Variants in MCF2L observed in about 807,000 individuals in gnomAD.
MCF2L encodes the protein guanine nucleotide exchange factor DBS.
In MCF2L, 97 loss-of-function variants were observed where a neutral mutation model predicts 153.4. The observed-to-expected ratio is 0.63, with a 90% CI of 0.54 to 0.75. The LOEUF (loss-of-function observed/expected upper bound fraction) is 0.75, where lower values mean the gene tolerates loss of function less well. Among genes scored for constraint, MCF2L ranks in the 30% least tolerant of loss-of-function variants. MCF2L has a pLI of 0.00. For synonymous variants in MCF2L, 659 were observed against 632.2 expected, an observed-to-expected ratio of 1.04 and a Z score of -0.64; for missense variants, 1,347 against 1,495.2, an observed-to-expected ratio of 0.90 and a Z score of 1.64.
chr13:113,090,264 A>G (rs2142081855), intron 26 of MCF2L: 1 of 1,346,884 alleles, frequency 7.4e-7, no homozygotes. Context: ...GGCCACGCAA[A>G]AGCGTTTCTT....
In MCF2L at chr13:113,012,329, C is replaced by T. The variant is rs560417312; in HGVS notation, c.80-2434C>T. Among the ~76,000 whole-genome samples the T allele has an allele frequency of 8.4e-4, 87 of 103,814 alleles. 15 individuals are homozygous for T. Among genetic ancestry groups the T allele is most frequent in the South Asian group, 2.8e-3 (6 of 2,178 alleles). 68.1% of individuals were successfully genotyped at this position (103,814 alleles called of 152,430 possible). On this transcript the variant is annotated intron_variant, in intron 1 of 29. Transcript: ENST00000535094. ...GTGGATGGTGGACAGGTGGTGTGGA[C>T]GGTGGACAGGCAGTGTGGACGGTGG...
chr13:112,939,853 C>G (rs762804611), intron 2 of MCF2L, among the ~76,000 whole-genome samples: 1 of 152,056 alleles, frequency 6.6e-6, no homozygotes, highest in Non-Finnish European at 1.5e-5. Flanking sequence ...GCCTGTAATC[C>G]CAGCTACGTG....
intron 1 of MCF2L, chr13:112,979,822 T>C: frequency 6.8e-7 from 1 of 1,465,138 alleles, no homozygotes; most frequent in South Asian, 1.3e-5. Context: ...AGGTGTCCTC[T>C]CTGCGGGCAG....
chr13:112,977,734 C>T (rs1417151402), intron 1 of MCF2L, among the ~76,000 whole-genome samples: 1 of 152,164 alleles, frequency 6.6e-6, no homozygotes, highest in African/African-American at 2.4e-5. Flanking sequence ...ACCCTGATGG[C>T]TCCCGTGCGC....
chr13:112,979,751 G>A (rs748412990), intron 1 of MCF2L: 16 of 1,611,100 alleles, frequency 9.9e-6, no homozygotes, highest in Non-Finnish European at 1.2e-5. Context: ...CAGGGCGCTC[G>A]AGGCCAGGTG....
chr13:112,968,793 C>T, upstream of MCF2L: 2 of 1,344,696 alleles, frequency 1.5e-6, no homozygotes, highest in South Asian at 1.8e-5. Context: ...TCGCGGCTGC[C>T]CGCAAACCAG....
chr13:113,084,818 C>T lies in MCF2L; in HGVS notation c.2062-74C>T, dbSNP rs1399349442. The T allele has an allele frequency of 2.0e-5, 22 of 1,126,464 alleles. 1 individual carries two copies. Among genetic ancestry groups the T allele is most frequent in the South Asian group, 1.1e-4 (9 of 78,730 alleles). The allele number at this position is 1,126,464 out of a possible 1,614,324, so 69.8% of individuals were successfully genotyped here. ...GGTGCCCGTCCCTCACCGCGTAATG[C>T]GGTGCCCGTCCCTCACCGCGTGATG... On this transcript the variant is annotated intron_variant, in intron 18 of 29. Coordinates refer to ENST00000535094, the MANE Select transcript of MCF2L (RefSeq NM_001112732.3).
chr13:113,052,251 C>A (rs923124742), intron 4 of MCF2L, among the ~76,000 whole-genome samples: 2 of 152,196 alleles, frequency 1.3e-5, no homozygotes, highest in African/African-American at 2.4e-5. Context: ...AGAAAGAGCT[C>A]TGAGACCCGG....
intron 27 of MCF2L, 75 bp from the exon 28 acceptor site, chr13:113,096,296 C>G: frequency 8.3e-7 from 1 of 1,204,520 alleles, no homozygotes; most frequent in African/African-American, 1.5e-5. Flanking sequence ...AGGCCCGGCA[C>G]TCCGCCTGGC....
rs1174720314 is a variant in MCF2L at position 113,031,410 on chromosome 13, T to TG, written c.278+6657dup. ...CCCAGGAGGGCGCCAGCGGCATCTTTGGGGGCAGCGAACGCACCAGGGGGC... is the reference window on the plus strand; with the variant it reads ...CCCAGGAGGGCGCCAGCGGCATCTTTGGGGGGCAGCGAACGCACCAGGGGGC... On this transcript the variant is annotated intron_variant, in intron 3 of 29. Coordinates refer to ENST00000535094, the MANE Select transcript of MCF2L (RefSeq NM_001112732.3). This position sits in a 1 kb window ranked among gnomAD's most constrained non-coding sequence, Gnocchi z 5.5. Among the ~76,000 whole-genome samples, 1 of 151,912 alleles carries TG rather than the reference T, an allele frequency of 6.6e-6. No individual in the cohort carries two copies. Among genetic ancestry groups the TG allele is most frequent in the Non-Finnish European group, 1.5e-5 (1 of 67,970 alleles).
At chr13:112,958,680 G>A (rs1468302688) in intron 2 of MCF2L, among the ~76,000 whole-genome samples, 1 of 152,150 alleles carries the variant, frequency 6.6e-6, no homozygotes, top group East Asian at 1.9e-4. Flanking sequence ...TGTCTCCTAG[G>A]GTTTGTTACT....
intron 26 of MCF2L, among the ~76,000 whole-genome samples, chr13:113,093,445 A>G (rs2035386762): frequency 6.6e-6 from 1 of 152,264 alleles, no homozygotes; most frequent in South Asian, 2.1e-4. Flanking sequence ...CACAGACAGC[A>G]GAGTTCCGCT....
rs769108110 is a variant in MCF2L, at chr13:113,064,351, G to A, written c.537G>A (p.Lys179=). Residue 179 remains lysine, a synonymous_variant, in exon 6 of 30, where the codon AAG becomes AAA. Transcript: ENST00000535094. This position sits in a 1 kb window ranked among gnomAD's most constrained non-coding sequence, Gnocchi z 6.0. The part of the protein sequence containing the change: ...SVPDLHGYID[K]SQLTEDLGGT... ...CAGACTTACACGGTTACATCGATAA[G>A]TCGCAGCTGACCGAGGACCTGGGTG... The A allele has an allele frequency of 3.7e-6, 6 of 1,613,030 alleles. No homozygotes were observed. The highest frequency in any genetic ancestry group is 4.2e-6 in the Non-Finnish European group (5 of 1,179,978).
intron 12 of MCF2L, 134 bp from the exon 13 acceptor site, chr13:113,076,918 T>C: frequency 1.0e-6 from 1 of 984,414 alleles, no homozygotes. Context: ...ACAGCTGCGC[T>C]GCGCTGACAG....
chr13:112,904,306 C>T lies in MCF2L; in HGVS notation c.169+1935C>T, dbSNP rs932883868. On this transcript the variant is annotated intron_variant, in intron 2 of 29. Coordinates refer to the MCF2L transcript ENST00000375608. This position sits in a 1 kb window ranked among gnomAD's most constrained non-coding sequence, Gnocchi z 4.2. ...TCAACGTACCGAGCTCTCCCAGGCT[C>T]AGGAGCATGTCAGGGTCCACCGTGC... Among the ~76,000 whole-genome samples the T allele has an allele frequency of 5.3e-5, 8 of 152,090 alleles. No homozygotes were observed. Among genetic ancestry groups the T allele is most frequent in the Non-Finnish European group, 1.0e-4 (7 of 68,024 alleles).
chr13:112,961,227 T>C (rs1045790827), intron 2 of MCF2L, among the ~76,000 whole-genome samples: 2 of 152,242 alleles, frequency 1.3e-5, no homozygotes, highest in African/African-American at 4.8e-5. Context: ...CTTAAAATAA[T>C]ACAAAATGTG....
chr13:113,026,089 TCGGGG>T, intron 3 of MCF2L, among the ~76,000 whole-genome samples: 3 of 36,010 alleles, frequency 8.3e-5, no homozygotes, highest in Non-Finnish European at 1.2e-4. Context: ...TGACTGTGGG[TCGGGG>T]CAGAGTCTCT....
chr13:113,096,041 A>C lies in MCF2L; in HGVS notation c.3076-330A>C, dbSNP rs1595049414. ...GAAGGCCTCAGCAAAGCAGCATGGA[A>C]ATAAGACCTGAAAGCACGGAAGGGC... On this transcript the variant is annotated intron_variant, in intron 27 of 29. Transcript: ENST00000535094. The C allele has an allele frequency of 6.6e-6, 3 of 453,670 alleles. No individual in the cohort carries two copies. The East Asian group carries it at 1.4e-4, about 21-fold the overall frequency. 28.1% of individuals were successfully genotyped at this position (453,670 alleles called of 1,614,324 possible).
intron 4 of MCF2L, among the ~76,000 whole-genome samples, chr13:113,057,565 GGTGCTGTGTGTTTGA>G (rs2030318953): frequency 7.0e-6 from 1 of 142,920 alleles, no homozygotes; most frequent in Non-Finnish European, 1.5e-5. Flanking sequence ...TGTGTGTTTG[GGTGCTGTGTGTTTGA>G]GTGGTGTGTG....
Sources: gnomAD v4.1 joint callset for allele counts (sites outside exome capture counted in the v4.1 genomes callset) on GRCh38, gnomAD v4.1.1 for gene constraint, Gnocchi (gnomAD v3.1) non-coding constraint, MANE v1.5 for transcripts, NCBI Gene and HGNC (gene_info 2026-07-23, HGNC 2026-07-21) for gene names.